The following PDE1A variants were observed in gnomAD, a reference collection of about 807,000 sequenced individuals.
PDE1A encodes the protein dual specificity calcium/calmodulin-dependent 3',5'-cyclic nucleotide phosphodiesterase 1A.
A neutral mutation model predicts 61.7 loss-of-function variants in PDE1A; 35 were observed. The observed-to-expected ratio is 0.57, with a 90% CI of 0.43 to 0.75. PDE1A has a LOEUF of 0.75. PDE1A is among the 30% of genes least tolerant of loss of function. The pLI is 0.00. For missense variants in PDE1A, 597 were observed against 630.6 expected (o/e 0.95, Z 0.57); for synonymous variants, 232 against 213.2 (o/e 1.09, Z -0.77).
intron 2 of PDE1A, among the ~76,000 whole-genome samples, chr2:182,467,859 C>T (rs920698748): frequency 2.0e-5 from 3 of 151,888 alleles, no homozygotes; most frequent in African/African-American, 7.2e-5. Flanking sequence ...ATAAAGCTAA[C>T]ATAATAAAAT....
At chr2:182,625,019 T>C in the PDE1A span, among the ~76,000 whole-genome samples, 1 of 151,380 alleles carries the variant, frequency 6.6e-6, no homozygotes, top group Admixed American at 6.6e-5. Context: ...CTTTGGGAGG[T>C]GATTAGATAG....
At chr2:182,531,105 T>C in the PDE1A span, among the ~76,000 whole-genome samples, 3 of 151,662 alleles carry the variant, frequency 2.0e-5, no homozygotes, top group Admixed American at 6.6e-5. Context: ...CAAAAGGAAC[T>C]ATCAAAAATA....
chr2:182,253,323 A>G (rs1335599374), intron 2 of PDE1A, among the ~76,000 whole-genome samples: 2 of 152,212 alleles, frequency 1.3e-5, no homozygotes, highest in African/African-American at 4.8e-5. Context: ...AGTTAAAAGT[A>G]AGTTGACTCC....
At chr2:182,610,821 C>T in the PDE1A span, among the ~76,000 whole-genome samples, 2 of 151,766 alleles carry the variant, frequency 1.3e-5, no homozygotes, top group Non-Finnish European at 2.9e-5. Flanking sequence ...ATCCTAAAAA[C>T]AAGAAAATTA....
At chr2:182,418,632 G>A (rs1461012249) in intron 1 of PDE1A, among the ~76,000 whole-genome samples, 2 of 152,212 alleles carry the variant, frequency 1.3e-5, no homozygotes, top group African/African-American at 4.8e-5. Context: ...CGTTTTAAGA[G>A]CAGAATAATC....
chr2:182,687,010 G>A, the PDE1A span, among the ~76,000 whole-genome samples: 1 of 152,236 alleles, frequency 6.6e-6, no homozygotes. Flanking sequence ...TGAGGCTTGA[G>A]TAGGTAAACA....
the PDE1A span, among the ~76,000 whole-genome samples, chr2:182,639,869 T>A: frequency 6.7e-6 from 1 of 148,942 alleles, no homozygotes; most frequent in Non-Finnish European, 1.5e-5. Flanking sequence ...TATATAAATA[T>A]ATATTTATTA....
intron 1 of PDE1A, among the ~76,000 whole-genome samples, chr2:182,399,533 C>T (rs1455559109): frequency 6.6e-6 from 1 of 151,972 alleles, no homozygotes; most frequent in East Asian, 1.9e-4. Context: ...CTTCTCATTC[C>T]TTTTACCAAT....
rs369216915 is a variant in PDE1A, at chr2:182,483,111, A to C, written c.101+39165T>G. On this transcript the variant is annotated intron_variant, in intron 2 of 14. Coordinates refer to the PDE1A transcript ENST00000410103. ...AAAGAGGATCATTCATAATGGTCAG[A>C]GGGCCAATACATCAGGACAATATAG... is the stretch of plus-strand genomic sequence containing the variant. Among the ~76,000 whole-genome samples the C allele has an allele frequency of 2.9e-4, 44 of 152,092 alleles. No homozygotes were observed. In the East Asian group the frequency reaches 8.3e-3, roughly 29 times the overall value.
upstream of PDE1A, among the ~76,000 whole-genome samples, chr2:182,528,105 T>G (rs1690802967): frequency 6.6e-6 from 1 of 152,082 alleles, no homozygotes; most frequent in Admixed American, 6.6e-5. Flanking sequence ...ACTTTGGAAC[T>G]GGGTAACAAG....
chr2:182,300,794 T>C (rs1002478668), intron 1 of PDE1A, among the ~76,000 whole-genome samples: 7 of 152,202 alleles, frequency 4.6e-5, no homozygotes, highest in Non-Finnish European at 1.0e-4. Context: ...TTTTTGTTTT[T>C]CTTGGCTATT....
intron 12 of PDE1A, among the ~76,000 whole-genome samples, 187 bp from the exon 13 acceptor site, chr2:182,186,266 CCTTA>C (rs1326962097): frequency 6.6e-6 from 1 of 152,142 alleles, no homozygotes; most frequent in Non-Finnish European, 1.5e-5. Flanking sequence ...TTAGTACACA[CCTTA>C]CTTAGTATTT....
At chr2:182,146,637 A>G (rs1449202598), downstream of PDE1A, among the ~76,000 whole-genome samples, 1 of 152,082 alleles carries the variant, frequency 6.6e-6, no homozygotes, top group Non-Finnish European at 1.5e-5. Context: ...GGTGCCTGCC[A>G]CCACACCCAG....
At chr2:182,481,000 C>T (rs186164512) in intron 2 of PDE1A, among the ~76,000 whole-genome samples, 4 of 151,896 alleles carry the variant, frequency 2.6e-5, no homozygotes. Flanking sequence ...GAAGGTGGGA[C>T]AAAAATAGAG....
At position 182,178,012 on chromosome 2, in the gene PDE1A, T is replaced by C. The variant is rs959704908; in HGVS notation, c.1516+7880A>G. On this transcript the variant is annotated intron_variant, in intron 13 of 13. Coordinates refer to ENST00000351439, the Ensembl canonical transcript of PDE1A. ...AATCAAATATTGTTTTTCATTTCTC[T>C]TCTGAAACAACTACAAAAGCTTATT... is the stretch of plus-strand genomic sequence containing the variant. Among the ~76,000 whole-genome samples, 7 of 152,192 alleles carry C rather than the reference T, an allele frequency of 4.6e-5. 1 individual carries two copies. The highest frequency in any genetic ancestry group is 1.3e-4 in the Admixed American group (2 of 15,264).
chr2:182,679,840 T>C, the PDE1A span, among the ~76,000 whole-genome samples: 1 of 152,010 alleles, frequency 6.6e-6, no homozygotes, highest in Non-Finnish European at 1.5e-5. Flanking sequence ...CTAAAGTGCA[T>C]ATGGAAAGAT....
At chr2:182,527,687 A>G (rs912446172), upstream of PDE1A, among the ~76,000 whole-genome samples, 1 of 152,116 alleles carries the variant, frequency 6.6e-6, no homozygotes, top group Non-Finnish European at 1.5e-5. Context: ...TACATGTCTA[A>G]TATGGTTTGG....
chr2:182,308,158 C>A (rs948356730), intron 1 of PDE1A, among the ~76,000 whole-genome samples: 1 of 152,032 alleles, frequency 6.6e-6, no homozygotes, highest in African/African-American at 2.4e-5. Context: ...ACAATTATAG[C>A]CTAAATCAGA....
At chr2:182,454,079 A>G (rs1685723530) in intron 2 of PDE1A, among the ~76,000 whole-genome samples, 1 of 152,168 alleles carries the variant, frequency 6.6e-6, no homozygotes, top group African/African-American at 2.4e-5. Context: ...GTCTCAGGAT[A>G]CAAAATCAAT....
Sources: allele counts gnomAD v4.1 joint callset (sites outside exome capture counted in the v4.1 genomes callset), GRCh38; gene constraint gnomAD v4.1.1; transcripts MANE v1.5; gene names NCBI Gene and HGNC (gene_info 2026-07-23, HGNC 2026-07-21).